The following LIMA1 variants were observed in gnomAD, a reference collection of about 807,000 sequenced individuals.
The protein encoded by LIMA1 is LIM domain and actin binding 1, also known as LIM domain and actin-binding protein 1.
Under a neutral mutation model 62.6 loss-of-function variants are expected in LIMA1, and 52 were observed. That is an observed-to-expected ratio of 0.83 (90% CI 0.67 to 1.05). The LOEUF is 1.05. Among genes scored for constraint, LIMA1 ranks in the 50% least tolerant of loss-of-function variants. LIMA1 has a pLI of 0.00. For missense variants in LIMA1, 780 were observed against 902.2 expected, an observed-to-expected ratio of 0.86 and a Z score of 1.74; for synonymous variants, 302 against 317.8, an observed-to-expected ratio of 0.95 and a Z score of 0.53.
intron 9 of LIMA1, among the ~76,000 whole-genome samples, chr12:50,182,608 G>A (rs184651547): frequency 5.3e-5 from 8 of 152,238 alleles, no homozygotes; most frequent in South Asian, 2.1e-4. Flanking sequence ...ACACACAAGT[G>A]GAACAATTTA....
rs191971724 is a variant in LIMA1, at chr12:50,256,820, T to A, written c.-23-8046A>T. Among the ~76,000 whole-genome samples the A allele has an allele frequency of 8.5e-5, 13 of 152,268 alleles. No homozygotes were observed. The East Asian group carries it at 2.5e-3, about 29-fold the overall frequency. ...ACTCAAAAGACAAAACAAAAAAAAG[T>A]TTTTTTAAAAAACATGATATTTTCT... is the stretch of plus-strand genomic sequence containing the variant. On this transcript the variant is annotated intron_variant, in intron 1 of 10. Coordinates refer to ENST00000341247, the MANE Select transcript of LIMA1 (RefSeq NM_016357.5).
chr12:50,212,249 A>G (rs1199440654), intron 4 of LIMA1, among the ~76,000 whole-genome samples: 1 of 152,186 alleles, frequency 6.6e-6, no homozygotes, highest in Non-Finnish European at 1.5e-5. Flanking sequence ...TCAACACTTT[A>G]ATTTACTGAG....
chr12:50,227,400 G>A (rs552480953), intron 3 of LIMA1, among the ~76,000 whole-genome samples: 8 of 151,802 alleles, frequency 5.3e-5, no homozygotes, highest in South Asian at 4.2e-4. Flanking sequence ...CACCAAGCCC[G>A]GCTAATTTTT....
At chr12:50,231,760 C>G (rs530570291) in intron 2 of LIMA1, 50 bp from the exon 3 acceptor site, 2 of 1,552,594 alleles carry the variant, frequency 1.3e-6, no homozygotes, top group Admixed American at 1.7e-5. Context: ...TATATTTTTA[C>G]TCTTTCAATT....
chr12:50,253,449 C>G (rs1047894576), intron 1 of LIMA1, among the ~76,000 whole-genome samples: 1 of 152,188 alleles, frequency 6.6e-6, no homozygotes, highest in African/African-American at 2.4e-5. Flanking sequence ...AACGCATATT[C>G]TGTTTGATTC....
chr12:50,231,797 C>T, intron 2 of LIMA1, 87 bp from the exon 3 acceptor site: 3 of 1,297,804 alleles, frequency 2.3e-6, no homozygotes, highest in Non-Finnish European at 3.3e-6. Flanking sequence ...GATGAAGTCT[C>T]ACGCTTATTG....
At chr12:50,225,043 C>G (rs1941505948) in intron 3 of LIMA1, among the ~76,000 whole-genome samples, 1 of 151,714 alleles carries the variant, frequency 6.6e-6, no homozygotes, top group South Asian at 2.1e-4. Context: ...GCTGGGATTA[C>G]AGGCATGTGC....
At position 50,208,708 on chromosome 12, in the gene LIMA1, A is replaced by G. The variant is rs970047066; in HGVS notation, c.631-2640T>C. Among the ~76,000 whole-genome samples the G allele has an allele frequency of 5.3e-5, 8 of 151,872 alleles. 1 individual carries two copies. Among genetic ancestry groups the G allele is most frequent in the Admixed American group, 2.6e-4 (4 of 15,228 alleles). ...ACATATTACATATGTGTGTGTGTGT[A>G]TATATAATTTGTCTCCTTGCTGGGT... On this transcript the variant is annotated intron_variant, in intron 4 of 10. Coordinates refer to ENST00000341247, the MANE Select transcript of LIMA1 (RefSeq NM_016357.5).
rs55904917 is a variant in LIMA1 at position 50,214,051 on chromosome 12, C to CACACACACACACACACACACACACACAT, written c.630+7969_630+7970insATGTGTGTGTGTGTGTGTGTGTGTGTGT. Among the ~76,000 whole-genome samples the CACACACACACACACACACACACACACAT allele has an allele frequency of 3.0e-3, 456 of 149,950 alleles. 10 individuals carry two copies. The highest frequency in any genetic ancestry group is 0.011 in the African/African-American group (428 of 40,520). The stretch of plus-strand genomic sequence containing the variant: ...ACACACACACACACACACACACACA[C>CACACACACACACACACACACACACACAT]GAGATTACTCAGAGTTATTAAGAGT... On this transcript the variant is annotated intron_variant, in intron 4 of 10. Coordinates refer to ENST00000341247, the MANE Select transcript of LIMA1 (RefSeq NM_016357.5).
chr12:50,238,222 T>C (rs1378868088), intron 2 of LIMA1, among the ~76,000 whole-genome samples: 1 of 152,096 alleles, frequency 6.6e-6, no homozygotes. Flanking sequence ...AAAACTTTTC[T>C]GAGGCTTGGC....
chr12:50,226,152 TC>T (rs1364259000), intron 3 of LIMA1, among the ~76,000 whole-genome samples: 2 of 152,144 alleles, frequency 1.3e-5, no homozygotes, highest in African/African-American at 4.8e-5. Flanking sequence ...GCTCAAGTGA[TC>T]CTGCCACCTC....
At chr12:50,262,257 GA>G (rs1942081169) in intron 1 of LIMA1, among the ~76,000 whole-genome samples, 1 of 152,132 alleles carries the variant, frequency 6.6e-6, no homozygotes, top group South Asian at 2.1e-4. Context: ...AGGAAGATGA[GA>G]AATAAAGGGG....
intron 2 of LIMA1, among the ~76,000 whole-genome samples, chr12:50,238,493 C>T (rs1446257301): frequency 1.3e-5 from 2 of 151,406 alleles, no homozygotes; most frequent in Non-Finnish European, 2.9e-5. Context: ...GGCGACAAAG[C>T]AAGACTCTGT....
In LIMA1 at chr12:50,181,897, G is replaced by T. The variant is rs993555850; in HGVS notation, c.1274+7C>A. On this transcript the variant is annotated splice_region_variant and intron_variant, in intron 10 of 10. Coordinates refer to ENST00000341247, the MANE Select transcript of LIMA1 (RefSeq NM_016357.5). ...ATAGACAGATGGCTTGTTTTGGGCTGACTTACCTGAGTTTGTTGTTGCAAT... is the reference window on the plus strand; with the variant it reads ...ATAGACAGATGGCTTGTTTTGGGCTTACTTACCTGAGTTTGTTGTTGCAAT... 6.2e-7 allele frequency: 1 copy of T among 1,614,084 alleles called. No homozygotes were observed. Among genetic ancestry groups the T allele is most frequent in the East Asian group, 2.2e-5 (1 of 44,880 alleles).
At chr12:50,218,722 A>G (rs1941391296) in intron 4 of LIMA1, among the ~76,000 whole-genome samples, 1 of 152,048 alleles carries the variant, frequency 6.6e-6, no homozygotes, top group Middle Eastern at 3.2e-3. Context: ...TCTGGGCAAC[A>G]TAGCGAAACG....
intron 3 of LIMA1, among the ~76,000 whole-genome samples, chr12:50,227,334 G>T (rs1258832008): frequency 2.7e-5 from 4 of 150,832 alleles, no homozygotes; most frequent in African/African-American, 9.8e-5. Context: ...TGCCTCCTGG[G>T]TTCAAGCAAT....
intron 9 of LIMA1, chr12:50,185,696 CTCAT>C (rs971898081): frequency 2.9e-6 from 1 of 340,014 alleles, no homozygotes; most frequent in African/African-American, 2.2e-5. Context: ...CAAGGAGTGT[CTCAT>C]TAACAATTCT....
chr12:50,197,314 C>T (rs1392664160), intron 7 of LIMA1, among the ~76,000 whole-genome samples: 2 of 152,026 alleles, frequency 1.3e-5, no homozygotes, highest in Non-Finnish European at 2.9e-5. Context: ...AGGTAATCTG[C>T]CCACCTTGGC....
At position 50,274,865 on chromosome 12, in the gene LIMA1, T is replaced by G. The variant is rs185220212; in HGVS notation, c.-24+8555A>C. 2.0e-3 allele frequency among the ~76,000 whole-genome samples: 297 copies of G among 151,978 alleles called. 1 individual carries two copies. Among genetic ancestry groups the G allele is most frequent in the African/African-American group, 6.5e-3 (269 of 41,454 alleles). On this transcript the variant is annotated intron_variant, in intron 1 of 10. Transcript: ENST00000341247. ...AGTTTTCCAGGTAGAGGAAAGCAAA[T>G]GCAAAGGCCCTGAGGAAGGAATAAT... is the stretch of plus-strand genomic sequence containing the variant.
Sources: allele counts gnomAD v4.1 joint callset (sites outside exome capture counted in the v4.1 genomes callset), GRCh38; gene constraint gnomAD v4.1.1; transcripts MANE v1.5; gene names NCBI Gene and HGNC (gene_info 2026-07-23, HGNC 2026-07-21).